Variants in TAFA1 observed in about 807,000 individuals in gnomAD.
TAFA1 encodes TAFA chemokine like family member 1, also known as chemokine-like protein TAFA-1.
In TAFA1, 4 loss-of-function variants were observed where a neutral mutation model predicts 18.5. That is an observed-to-expected ratio of 0.22 (90% CI 0.11 to 0.49). The LOEUF (loss-of-function observed/expected upper bound fraction) is 0.49, where lower values mean the gene tolerates loss of function less well. Among genes scored for constraint, TAFA1 ranks in the 20% least tolerant of loss-of-function variants. The pLI, the probability that TAFA1 is intolerant of heterozygous loss-of-function variation, is 0.98. For missense variants in TAFA1, 147 were observed against 169.0 expected (o/e 0.87, Z 0.72); for synonymous variants, 56 against 55.2 (o/e 1.01, Z -0.06).
intron 2 of TAFA1, among the ~76,000 whole-genome samples, chr3:68,254,119 A>ATGTG (rs1559579715): frequency 7.5e-6 from 1 of 133,156 alleles, no homozygotes; most frequent in Non-Finnish European, 1.6e-5. Flanking sequence ...GTATGTATGT[A>ATGTG]TGTATGTATG....
intron 3 of TAFA1, among the ~76,000 whole-genome samples, chr3:68,475,777 C>CAGTGTATA (rs2072082444): frequency 6.7e-6 from 1 of 148,682 alleles, no homozygotes. Flanking sequence ...GTCCCACCAA[C>CAGTGTATA]AGTGTAAAAG....
chr3:68,013,893 A>G (rs1704521795), intron 2 of TAFA1, among the ~76,000 whole-genome samples: 1 of 152,204 alleles, frequency 6.6e-6, no homozygotes, highest in African/African-American at 2.4e-5. Flanking sequence ...GGATCTGCCT[A>G]TTCATTAAGC....
intron 2 of TAFA1, among the ~76,000 whole-genome samples, chr3:68,401,116 G>A (rs1034273015): frequency 1.3e-5 from 2 of 152,170 alleles, no homozygotes; most frequent in African/African-American, 4.8e-5. Flanking sequence ...GGCAGACAAT[G>A]TATTTCACAA....
intron 2 of TAFA1, among the ~76,000 whole-genome samples, chr3:68,054,616 A>T (rs550166020): frequency 4.6e-5 from 7 of 152,280 alleles, no homozygotes; most frequent in African/African-American, 1.7e-4. Context: ...ACACAGGTAC[A>T]CTCATTCATT....
chr3:68,476,114 G>A lies in TAFA1; in HGVS notation c.259+58694G>A, dbSNP rs112014440. Among the ~76,000 whole-genome samples the A allele has an allele frequency of 4.6e-5, 7 of 152,216 alleles. 1 individual carries two copies. The highest frequency in any genetic ancestry group is 1.7e-4 in the African/African-American group (7 of 41,518). On this transcript the variant is annotated intron_variant, in intron 3 of 4. Transcript: ENST00000478136. ...ATTTCAGGACATAGACATGGGCAAGGACTTCATGTCTAAAACACCGAAAGC... is the reference window on the plus strand; with the variant it reads ...ATTTCAGGACATAGACATGGGCAAGAACTTCATGTCTAAAACACCGAAAGC...
intron 2 of TAFA1, among the ~76,000 whole-genome samples, chr3:68,314,499 A>G (rs1340979279): frequency 6.6e-6 from 1 of 152,242 alleles, no homozygotes. Context: ...ATCATTAGAT[A>G]AGATAAAAAT....
intron 2 of TAFA1, among the ~76,000 whole-genome samples, chr3:68,294,111 C>T (rs745497629): frequency 6.6e-6 from 1 of 152,014 alleles, no homozygotes; most frequent in Non-Finnish European, 1.5e-5. Flanking sequence ...TTATAATATT[C>T]TTCACTGTCA....
chr3:68,167,586 AC>A (rs67859461), intron 2 of TAFA1, among the ~76,000 whole-genome samples: 73,236 of 122,318 alleles, frequency 0.6, 23,204 homozygotes, highest in Admixed American at 0.7. Context: ...CAAAAAAAAA[AC>A]AAAAAAAACA....
intron 2 of TAFA1, among the ~76,000 whole-genome samples, chr3:68,134,847 T>C (rs988053165): frequency 6.6e-6 from 1 of 152,182 alleles, no homozygotes; most frequent in Non-Finnish European, 1.5e-5. Flanking sequence ...ATTCAAACAA[T>C]ATGTAAGTTT....
At chr3:68,305,415 ATATATATATATATATATAT>A (rs1341798191) in intron 2 of TAFA1, among the ~76,000 whole-genome samples, 3 of 29,872 alleles carry the variant, frequency 1.0e-4, no homozygotes, top group East Asian at 1.9e-3. Flanking sequence ...ATGACTATAT[ATATATATATATATATATAT>A]ATATATATAT....
chr3:68,422,295 C>A (rs1434059202), intron 3 of TAFA1, among the ~76,000 whole-genome samples: 2 of 152,090 alleles, frequency 1.3e-5, no homozygotes, highest in African/African-American at 4.8e-5. Flanking sequence ...CACTTTATGG[C>A]ATTTACAGAG....
intron 2 of TAFA1, among the ~76,000 whole-genome samples, chr3:68,271,629 G>A (rs2067671807): frequency 1.3e-5 from 2 of 152,130 alleles, no homozygotes; most frequent in Admixed American, 6.6e-5. Flanking sequence ...ATGATGTTGA[G>A]AAACGTTTTC....
intron 2 of TAFA1, among the ~76,000 whole-genome samples, chr3:68,166,687 G>A (rs1421401733): frequency 6.6e-6 from 1 of 152,142 alleles, no homozygotes; most frequent in African/African-American, 2.4e-5. Flanking sequence ...TAATGGGAGA[G>A]CACCCCTCCC....
intron 2 of TAFA1, among the ~76,000 whole-genome samples, chr3:68,413,190 T>C (rs1412779357): frequency 1.3e-5 from 2 of 152,238 alleles, no homozygotes; most frequent in Non-Finnish European, 2.9e-5. Flanking sequence ...GAGAAGTGTC[T>C]GTTCATATCC....
chr3:68,095,140 T>A (rs1021293180), intron 2 of TAFA1, among the ~76,000 whole-genome samples: 1 of 152,108 alleles, frequency 6.6e-6, no homozygotes, highest in African/African-American at 2.4e-5. Context: ...CCAAAGTGGG[T>A]TTACAGCTCC....
chr3:68,426,383 T>G (rs914549664), intron 3 of TAFA1, among the ~76,000 whole-genome samples: 1 of 151,892 alleles, frequency 6.6e-6, no homozygotes, highest in Non-Finnish European at 1.5e-5. Flanking sequence ...CCTACAGGTA[T>G]AGACATATAA....
At chr3:68,415,716 C>G (rs1005272979) in intron 2 of TAFA1, among the ~76,000 whole-genome samples, 1 of 152,014 alleles carries the variant, frequency 6.6e-6, no homozygotes, top group Admixed American at 6.6e-5. Context: ...GGCACTAACC[C>G]CTTTACATGT....
chr3:68,469,138 T>C (rs1010094797), intron 3 of TAFA1, among the ~76,000 whole-genome samples: 1 of 151,596 alleles, frequency 6.6e-6, no homozygotes, highest in Non-Finnish European at 1.5e-5. Context: ...TAAAATACCA[T>C]TAAAATAATG....
chr3:68,530,757 G>A (rs1047269731), intron 3 of TAFA1, among the ~76,000 whole-genome samples: 1 of 151,920 alleles, frequency 6.6e-6, no homozygotes, highest in Non-Finnish European at 1.5e-5. Context: ...CAAGTAATGA[G>A]TAGCTCAGAT....
Sources: allele counts gnomAD v4.1 joint callset (sites outside exome capture counted in the v4.1 genomes callset), GRCh38; gene constraint gnomAD v4.1.1; transcripts MANE v1.5; gene names NCBI Gene and HGNC (gene_info 2026-07-23, HGNC 2026-07-21).